XKR7: variants seen among roughly 807,000 people sequenced by gnomAD.
The protein encoded by XKR7 is XK-related protein 7.
Under a neutral mutation model 42.2 loss-of-function variants are expected in XKR7, and 11 were observed. The ratio of observed to expected loss-of-function variants is 0.26; its 90% CI spans 0.16 to 0.43. XKR7 has a LOEUF of 0.43. Ranked by LOEUF, XKR7 falls within the 20% of genes least tolerant of loss-of-function variation. The probability of loss-of-function intolerance (pLI) is 1.00; values close to 1 mark genes in which losing one functional copy is unlikely to be tolerated. For synonymous variants in XKR7, 346 were observed against 366.4 expected (o/e 0.94, Z 0.64); for missense variants, 710 against 802.2 (o/e 0.89, Z 1.39).
intron 1 of XKR7, among the ~76,000 whole-genome samples, chr20:31,975,048 G>A (rs2064479259): frequency 6.6e-6 from 1 of 152,206 alleles, no homozygotes; most frequent in Non-Finnish European, 1.5e-5. Flanking sequence ...AAGCTCTGGG[G>A]AGTGGGAGGG....
chr20:31,986,451 C>G (rs188321082), intron 1 of XKR7, among the ~76,000 whole-genome samples: 97 of 127,464 alleles, frequency 7.6e-4, no homozygotes, highest in Admixed American at 1.2e-3. Context: ...CCACCAAGCA[C>G]ACCCAGCATC....
chr20:31,984,539 C>T (rs1356579774), intron 1 of XKR7, among the ~76,000 whole-genome samples: 2 of 152,224 alleles, frequency 1.3e-5, no homozygotes, highest in Non-Finnish European at 2.9e-5. Context: ...GAATCAGTTA[C>T]TTGGGCTTGG....
intron 1 of XKR7, among the ~76,000 whole-genome samples, chr20:31,994,208 G>C (rs2064581395): frequency 6.6e-6 from 1 of 152,196 alleles, no homozygotes; most frequent in Admixed American, 6.5e-5. Context: ...ACAGAACCGG[G>C]GCTGGCACCA....
At position 31,996,882 on chromosome 20, in the gene XKR7, T is replaced by C. The variant is rs1285543984; in HGVS notation, c.1165T>C (p.Cys389Arg). The C allele has an allele frequency of 6.2e-7, 1 of 1,613,774 alleles. No individual in the cohort carries two copies. The highest frequency in any genetic ancestry group is 8.5e-7 in the Non-Finnish European group (1 of 1,180,014). Residue 389 changes from cysteine to arginine, a missense_variant, in exon 3 of 3, where the codon TGC (cysteine) becomes CGC (arginine). Cys to Arg is a radical substitution (Grantham distance 180). Coordinates refer to ENST00000562532, the MANE Select transcript of XKR7 (RefSeq NM_001011718.2). ...CCGCCGCCGCATGACCCTCTACCAC[T>C]GCATCGTCCTGCTGGAGAACGCCGC... ...RSRRRMTLYH[C>R]IVLLENAALT... is the part of the protein sequence containing the mutation.
In XKR7 at chr20:31,996,948, G is replaced by A. The variant is rs764299502; in HGVS notation, c.1231G>A (p.Asp411Asn). 5 of 1,614,096 alleles carry A rather than the reference G, an allele frequency of 3.1e-6. No homozygotes were observed. Among genetic ancestry groups the A allele is most frequent in the African/African-American group, 1.3e-5 (1 of 75,060 alleles). ...FWYSSRNFST[D>N]FYSLIMVCVV... Reference sequence around the variant, plus strand: ...GTACTCCAGCCGCAACTTCTCAACCGACTTCTACTCGCTCATCATGGTCTG... The same window carrying A: ...GTACTCCAGCCGCAACTTCTCAACCAACTTCTACTCGCTCATCATGGTCTG... Residue 411 changes from aspartate to asparagine, a missense_variant, in exon 3 of 3, where the codon GAC (aspartate) becomes AAC (asparagine). This residue lies in a region of XKR7 where 708 missense variants were observed against 786.2 expected (regional missense o/e 0.90). Coordinates refer to ENST00000562532, the MANE Select transcript of XKR7 (RefSeq NM_001011718.2).
intron 1 of XKR7, among the ~76,000 whole-genome samples, chr20:31,988,227 G>C (rs892260349): frequency 2.0e-5 from 3 of 152,170 alleles, no homozygotes; most frequent in African/African-American, 7.2e-5. Context: ...AAGCTTCCTG[G>C]CTTCTCAAGA....
Position 31,976,664 on chromosome 20 carries a change from C to T in XKR7, c.584+7905C>T, listed in dbSNP as rs140616687. ...CCTCCCAAAGTGCTGGGATTACAGG[C>T]GTGAGCCACCACACCAGGCCAGAAA... is the stretch of plus-strand genomic sequence containing the variant. On this transcript the variant is annotated intron_variant, in intron 1 of 2. Coordinates refer to ENST00000562532, the MANE Select transcript of XKR7 (RefSeq NM_001011718.2). 5.8e-3 allele frequency among the ~76,000 whole-genome samples: 887 copies of T among 152,308 alleles called. 4 individuals carry two copies. The highest frequency in any genetic ancestry group is 0.02 in the African/African-American group (811 of 41,566).
rs1458585179 is a variant in XKR7, at chr20:32,001,439, G to T, written c.*3982G>T. On this transcript the variant is annotated 3_prime_UTR_variant, in exon 3 of 3. Coordinates refer to ENST00000562532, the MANE Select transcript of XKR7 (RefSeq NM_001011718.2). ...GGTTCAAAATGTTGAGAAGGTTCTG[G>T]AGTGTCCTGCCAAGTGGAAACCCCT... The T allele has an allele frequency of 2.6e-5, 4 of 152,208 alleles. No homozygotes were observed. The highest frequency in any genetic ancestry group is 2.9e-5 in the Non-Finnish European group (2 of 68,068). The allele number at this position is 152,208 out of a possible 1,614,324, so 9.4% of individuals were successfully genotyped here.
chr20:31,994,043 AG>A (rs2064580804), intron 1 of XKR7, among the ~76,000 whole-genome samples: 2 of 152,170 alleles, frequency 1.3e-5, no homozygotes, highest in African/African-American at 4.8e-5. Flanking sequence ...TGTTGGGAGA[AG>A]TGGCATGAGA....
chr20:32,001,075 G>C lies in XKR7; in HGVS notation c.*3618G>C, dbSNP rs1398091741. The C allele has an allele frequency of 6.6e-6, 1 of 152,292 alleles. No individual in the cohort carries two copies. The highest frequency in any genetic ancestry group is 1.5e-5 in the Non-Finnish European group (1 of 68,080). The allele number at this position is 152,292 out of a possible 1,614,324, so 9.4% of individuals were successfully genotyped here. ...AAGTCCAGGCCTCTGGATAAGGGCT[G>C]AGGGAGCTGGGAATATCCAGGGAAG... On this transcript the variant is annotated 3_prime_UTR_variant, in exon 3 of 3. Transcript: ENST00000562532.
chr20:31,970,310 A>T (rs774091779), intron 1 of XKR7: 1 of 152,184 alleles, frequency 6.6e-6, no homozygotes, highest in Non-Finnish European at 1.5e-5. Flanking sequence ...ATGCCCCTCG[A>T]CTCACTGGCT....
intron 1 of XKR7, among the ~76,000 whole-genome samples, chr20:31,981,809 C>A (rs1019620578): frequency 6.6e-6 from 1 of 152,218 alleles, no homozygotes; most frequent in Non-Finnish European, 1.5e-5. Flanking sequence ...CCTTCTCTGA[C>A]GGCAGCCATT....
intron 1 of XKR7, among the ~76,000 whole-genome samples, chr20:31,979,678 C>T (rs1475829978): frequency 6.6e-6 from 1 of 152,146 alleles, no homozygotes; most frequent in Admixed American, 6.5e-5. Flanking sequence ...CACACCCAGA[C>T]TAGGGGCAGA....
intron 1 of XKR7, among the ~76,000 whole-genome samples, chr20:31,985,519 G>A (rs2064533865): frequency 6.6e-6 from 1 of 152,040 alleles, no homozygotes; most frequent in Non-Finnish European, 1.5e-5. Context: ...TCAGCAGATG[G>A]ACCAAGCAGT....
At chr20:31,989,948 C>T (rs776423735) in intron 1 of XKR7, among the ~76,000 whole-genome samples, 1 of 152,152 alleles carries the variant, frequency 6.6e-6, no homozygotes, top group Non-Finnish European at 1.5e-5. Flanking sequence ...ATGTACACCA[C>T]CCCCAATCTG....
rs756776526 is a variant in XKR7, at chr20:31,968,598, C to G, written c.423C>G (p.Thr141=). ...DSVAGGAAIS[T]KDSAGAFRTK... is the part of the protein sequence containing the mutation. ...TAGCCGGCGGAGCCGCCATCAGCAC[C>G]AAGGACAGCGCCGGCGCCTTCCGGA... is the stretch of plus-strand genomic sequence containing the variant. The change falls in exon 1 of 3, where the codon ACC becomes ACG. Residue 141 remains threonine, a synonymous_variant. Coordinates refer to ENST00000562532, the MANE Select transcript of XKR7 (RefSeq NM_001011718.2). This position sits in a 1 kb window ranked among gnomAD's most constrained non-coding sequence, Gnocchi z 4.5. 5 of 1,608,084 alleles carry G rather than the reference C, an allele frequency of 3.1e-6. No individual in the cohort carries two copies. In the African/African-American group the frequency reaches 4.0e-5, roughly 13 times the overall value.
At position 31,996,855 on chromosome 20, in the gene XKR7, A is replaced by C; in HGVS notation, c.1138A>C (p.Ser380Arg). 1.2e-6 allele frequency: 2 copies of C among 1,613,778 alleles called. No individual in the cohort carries two copies. The highest frequency in any genetic ancestry group is 1.7e-6 in the Non-Finnish European group (2 of 1,180,006). The change falls in exon 3 of 3, where the codon AGC (serine) becomes CGC (arginine). Residue 380 changes from serine (S) to arginine (R), a missense_variant. Ser to Arg is a moderately radical substitution (Grantham distance 110, BLOSUM62 -1). Around this residue, in one of 2 missense-constraint regions of XKR7, gnomAD observed 708 missense variants for 786.2 expected, o/e 0.90. Coordinates refer to ENST00000562532, the MANE Select transcript of XKR7 (RefSeq NM_001011718.2). Reference sequence around the variant, plus strand: ...CTGGTTCAACGTCAAGGAGGGCCGCAGCCGCCGCCGCATGACCCTCTACCA... The same window carrying C: ...CTGGTTCAACGTCAAGGAGGGCCGCCGCCGCCGCCGCATGACCCTCTACCA... ...FCWFNVKEGR[S>R]RRRMTLYHCI...
intron 1 of XKR7, among the ~76,000 whole-genome samples, chr20:31,980,895 C>T (rs2064508937): frequency 6.6e-6 from 1 of 151,694 alleles, no homozygotes; most frequent in Non-Finnish European, 1.5e-5. Context: ...GACCTTATCT[C>T]TACTAAAAAT....
At position 31,998,571 on chromosome 20, in the gene XKR7, C is replaced by T. The variant is rs774584568; in HGVS notation, c.*1114C>T. 6.6e-6 allele frequency: 1 copy of T among 152,130 alleles called. No homozygotes were observed. Among genetic ancestry groups the T allele is most frequent in the East Asian group, 1.9e-4 (1 of 5,192 alleles). The allele number at this position is 152,130 out of a possible 1,614,324, so 9.4% of individuals were successfully genotyped here. A position where few individuals can be genotyped will look rare whatever the true frequency, so the allele number is the denominator to read the frequency against. ...GGGGAGAAGAGGTTCTAGAGCCCAGCGTGAATGGAATTTTCTAGGAATGGG... is the reference window on the plus strand; with the variant it reads ...GGGGAGAAGAGGTTCTAGAGCCCAGTGTGAATGGAATTTTCTAGGAATGGG... On this transcript the variant is annotated 3_prime_UTR_variant, in exon 3 of 3. Transcript: ENST00000562532.
Sources: gnomAD v4.1 joint callset for allele counts (sites outside exome capture counted in the v4.1 genomes callset) on GRCh38, gnomAD v4.1.1 for gene constraint, gnomAD v4.1.1 regional missense constraint, Gnocchi (gnomAD v3.1) non-coding constraint, MANE v1.5 for transcripts, NCBI Gene and HGNC (gene_info 2026-07-23, HGNC 2026-07-21) for gene names.